TPT1: variants seen among roughly 807,000 people sequenced by gnomAD.
TPT1 encodes the protein tumor protein, translationally-controlled 1, also known as translationally-controlled tumor protein.
Under a neutral mutation model 22.8 loss-of-function variants are expected in TPT1, and 5 were observed. The observed-to-expected ratio is 0.22, with a 90% CI of 0.11 to 0.46. TPT1 has a LOEUF of 0.46. Among genes scored for constraint, TPT1 ranks in the 20% least tolerant of loss-of-function variants. The pLI, the probability that TPT1 is intolerant of heterozygous loss-of-function variation, is 0.99. For missense variants in TPT1, 130 were observed against 218.7 expected (o/e 0.59, Z 2.56); for synonymous variants, 89 against 73.6 (o/e 1.21, Z -1.07).
intron 1 of TPT1, 45 bp from the exon 2 acceptor site, chr13:45,340,830 C>A: frequency 6.7e-7 from 1 of 1,496,314 alleles, no homozygotes; most frequent in Non-Finnish European, 8.9e-7. Flanking sequence ...CCTGGCGCCG[C>A]CATTTCCCGC....
Position 45,336,800 on chromosome 13 carries a change from G to A in TPT1, c.*586C>T, listed in dbSNP as rs1314304417. 6.5e-6 allele frequency: 1 copy of A among 153,064 alleles called. No homozygotes were observed. Among genetic ancestry groups the A allele is most frequent in the Non-Finnish European group, 1.5e-5 (1 of 68,766 alleles). The allele number at this position is 153,064 out of a possible 1,614,324, so 9.5% of individuals were successfully genotyped here. A position where few individuals can be genotyped will look rare whatever the true frequency, so the allele number is the denominator to read the frequency against. On this transcript the variant is annotated 3_prime_UTR_variant, in exon 6 of 6. Transcript: ENST00000530705. The stretch of plus-strand genomic sequence containing the variant: ...TTGCCAGTCCCTGTTCTAGTTACCA[G>A]GGAGTTTAATTAACATTCATCCCAA...
intron 5 of TPT1, chr13:45,337,629 C>T (rs1180573878): frequency 2.7e-6 from 4 of 1,501,580 alleles, no homozygotes; most frequent in Non-Finnish European, 3.7e-6. Flanking sequence ...ACCAAATCAG[C>T]GGTAGCTCAT....
intron 5 of TPT1, chr13:45,337,662 AC>A: frequency 1.8e-6 from 2 of 1,109,596 alleles, no homozygotes; most frequent in Non-Finnish European, 2.7e-6. Flanking sequence ...TGTGGCATGT[AC>A]CACCCACACC....
At chr13:45,338,550 CAT>C (rs1878869082) in intron 5 of TPT1, 108 bp downstream of exon 5, 10 of 1,471,428 alleles carry the variant, frequency 6.8e-6, no homozygotes, top group South Asian at 1.4e-5. Flanking sequence ...AAACTAAAAC[CAT>C]GTTTCAGAAC....
rs1203563197 is a variant in TPT1 at position 45,335,598 on chromosome 13, TCA to T, written c.*1786_*1787del. 2 of 152,160 alleles carry T rather than the reference TCA, an allele frequency of 1.3e-5. No individual in the cohort carries two copies. Among genetic ancestry groups the T allele is most frequent in the Non-Finnish European group, 2.9e-5 (2 of 68,038 alleles). 9.4% of individuals were successfully genotyped at this position (152,160 alleles called of 1,614,324 possible). A position where few individuals can be genotyped will look rare whatever the true frequency, so the allele number is the denominator to read the frequency against. On this transcript the variant is annotated 3_prime_UTR_variant, in exon 6 of 6. Transcript: ENST00000530705. The stretch of plus-strand genomic sequence containing the variant: ...GGACAAAAGGCCCTGTAGATGAGAC[TCA>T]CACTTTTCATTACAATGTCAAATCA...
At chr13:45,338,290 T>C (rs1393433894) in intron 5 of TPT1, 1 of 230,996 alleles carries the variant, frequency 4.3e-6, no homozygotes, top group African/African-American at 2.3e-5. Flanking sequence ...TGGCTAATTT[T>C]TGTATTTTTA....
At chr13:45,339,256 T>G in intron 4 of TPT1, 1 of 417,210 alleles carries the variant, frequency 2.4e-6, no homozygotes, top group Non-Finnish European at 4.2e-6. Context: ...ACATTAAAAT[T>G]GTAAGCAAAA....
At position 45,337,585 on chromosome 13, in the gene TPT1, G is replaced by A. The variant is rs542762638; in HGVS notation, c.517-197C>T. 6.0e-5 allele frequency: 97 copies of A among 1,604,734 alleles called. No homozygotes were observed. The African/African-American group carries it at 1.2e-3, about 20-fold the overall frequency. ...CAAACCAAAAGAACAACAGTAAATT[G>A]TTCAAGGTCTATCAGTGGATGCAGA... On this transcript the variant is annotated intron_variant, in intron 5 of 5. Transcript: ENST00000530705.
Position 45,339,477 on chromosome 13 carries a change from C to G in TPT1, c.399+20G>C. 2 of 1,596,150 alleles carry G rather than the reference C, an allele frequency of 1.3e-6. No homozygotes were observed. Among genetic ancestry groups the G allele is most frequent in the South Asian group, 1.1e-5 (1 of 88,392 alleles). On this transcript the variant is annotated intron_variant, in intron 4 of 5. Transcript: ENST00000530705. The stretch of plus-strand genomic sequence containing the variant: ...GTTAAAATTGTACAATCCTTTGATC[C>G]AGATACTTAAGGTATTTACCTGGTA...
chr13:45,338,273 C>A (rs950237967), intron 5 of TPT1: 2 of 207,692 alleles, frequency 9.6e-6, no homozygotes, highest in Non-Finnish European at 9.6e-6. Context: ...GTGCCCGCTG[C>A]CATGCCTGGC....
intron 2 of TPT1, chr13:45,340,415 G>T (rs1288081731): frequency 1.3e-6 from 1 of 768,456 alleles, no homozygotes; most frequent in African/African-American, 1.7e-5. Flanking sequence ...TTCCAGTTGC[G>T]GGCATGTGAT....
In TPT1 at chr13:45,337,505, G is replaced by GC. The variant is rs764856559; in HGVS notation, c.517-118dup. The GC allele has an allele frequency of 1.9e-6, 3 of 1,613,784 alleles. No individual in the cohort carries two copies. The East Asian group carries it at 6.7e-5, about 36-fold the overall frequency. ...AGATGTATTCCCCAATTCAATCTGGGCCGCCACAAAGACAGACAGAAAGCG... is the reference window on the plus strand; with the variant it reads ...AGATGTATTCCCCAATTCAATCTGGGCCCGCCACAAAGACAGACAGAAAGCG... On this transcript the variant is annotated intron_variant, in intron 5 of 5. Coordinates refer to ENST00000530705, the MANE Select transcript of TPT1 (RefSeq NM_003295.4).
At chr13:45,337,702 T>G in intron 5 of TPT1, 1 of 758,240 alleles carries the variant, frequency 1.3e-6, no homozygotes, top group South Asian at 1.6e-5. Flanking sequence ...CCTCAGATAC[T>G]GTCTGAATAA....
chr13:45,338,428 C>T (rs1180467183), intron 5 of TPT1: 2 of 789,166 alleles, frequency 2.5e-6, no homozygotes, highest in Non-Finnish European at 3.7e-6. Flanking sequence ...CTAAACTGTA[C>T]TTTATTATGC....
chr13:45,340,682 C>G, intron 2 of TPT1, 30 bp downstream of exon 2: 1 of 1,560,162 alleles, frequency 6.4e-7, no homozygotes. Flanking sequence ...TCGGCCCGGA[C>G]TCCCCCACGC....
In TPT1 at chr13:45,335,506, CT is replaced by C. The variant is rs1372948395; in HGVS notation, c.*1879del. ...CTTCCATCTCTCACCTCAAGGCCTTCTTCACTATCCTGGTTTCCCCAGCTTT... is the reference window on the plus strand; with the variant it reads ...CTTCCATCTCTCACCTCAAGGCCTTCTCACTATCCTGGTTTCCCCAGCTTT... On this transcript the variant is annotated 3_prime_UTR_variant, in exon 6 of 6. Coordinates refer to ENST00000530705, the MANE Select transcript of TPT1 (RefSeq NM_003295.4). 6.6e-6 allele frequency: 1 copy of C among 152,250 alleles called. No individual in the cohort carries two copies. The highest frequency in any genetic ancestry group is 1.5e-5 in the Non-Finnish European group (1 of 68,064). The allele number at this position is 152,250 out of a possible 1,614,324, so 9.4% of individuals were successfully genotyped here.
At position 45,335,544 on chromosome 13, in the gene TPT1, G is replaced by A. The variant is rs926755573; in HGVS notation, c.*1842C>T. 6.6e-6 allele frequency: 1 copy of A among 152,196 alleles called. No homozygotes were observed. The highest frequency in any genetic ancestry group is 1.5e-5 in the Non-Finnish European group (1 of 68,044). 9.4% of individuals were successfully genotyped at this position (152,196 alleles called of 1,614,324 possible). A position where few individuals can be genotyped will look rare whatever the true frequency, so the allele number is the denominator to read the frequency against. On this transcript the variant is annotated 3_prime_UTR_variant, in exon 6 of 6. Coordinates refer to ENST00000530705, the MANE Select transcript of TPT1 (RefSeq NM_003295.4). ...GTTTCCCCAGCTTTGACCACTGCCT[G>A]AAAATTCCCTTCCTGCTATCATTTC...
At chr13:45,338,173 G>C (rs1256165338) in intron 5 of TPT1, 1 of 165,492 alleles carries the variant, frequency 6.0e-6, no homozygotes, top group Non-Finnish European at 1.3e-5. Flanking sequence ...CCAGGATAGA[G>C]TGCAGTGGTG....
rs1313564187 is a variant in TPT1, at chr13:45,334,934, T to C, written c.*2452A>G. 2.0e-5 allele frequency: 3 copies of C among 152,212 alleles called. No homozygotes were observed. The highest frequency in any genetic ancestry group is 4.4e-5 in the Non-Finnish European group (3 of 68,034). 9.4% of individuals were successfully genotyped at this position (152,212 alleles called of 1,614,324 possible). On this transcript the variant is annotated 3_prime_UTR_variant, in exon 6 of 6. Transcript: ENST00000530705. ...CTTGGCCTGGAATGGTTTGTCCTGA[T>C]ATCCACATGGCCTACTTCCACACCT...
Sources: gnomAD v4.1 joint callset for allele counts on GRCh38, gnomAD v4.1.1 for gene constraint, MANE v1.5 for transcripts, NCBI Gene and HGNC (gene_info 2026-07-23, HGNC 2026-07-21) for gene names.